CCDC7: variants seen among roughly 807,000 people sequenced by gnomAD.
The protein encoded by CCDC7 is coiled-coil domain-containing protein 7.
CCDC7 carries 183 observed loss-of-function variants against 196.9 expected under a neutral mutation model. The observed-to-expected ratio is 0.93, with a 90% CI of 0.82 to 1.05. CCDC7 has a LOEUF of 1.05. Ranked by LOEUF, CCDC7 falls within the 50% of genes least tolerant of loss-of-function variation. The pLI, the probability that CCDC7 is intolerant of heterozygous loss-of-function variation, is 0.00. For missense variants in CCDC7, 1,540 were observed against 1,482.2 expected (o/e 1.04, Z -0.64); for synonymous variants, 525 against 484.6 (o/e 1.08, Z -1.10).
At chr10:32,882,269 G>A (rs112227785) in intron 22 of CCDC7, among the ~76,000 whole-genome samples, 9 of 152,172 alleles carry the variant, frequency 5.9e-5, no homozygotes, top group Middle Eastern at 3.4e-3. Flanking sequence ...TTGCTTAACC[G>A]GCCTAACAAG....
chr10:32,569,297 A>AT (rs1218532305), intron 15 of CCDC7, among the ~76,000 whole-genome samples: 1 of 152,208 alleles, frequency 6.6e-6, no homozygotes, highest in Non-Finnish European at 1.5e-5. Flanking sequence ...GTTTATACTC[A>AT]TTGTCCATGT....
At chr10:32,545,900 C>T (rs1375850618) in intron 13 of CCDC7, among the ~76,000 whole-genome samples, 4 of 109,042 alleles carry the variant, frequency 3.7e-5, no homozygotes, top group Admixed American at 1.9e-4. Flanking sequence ...AGCAAAACTC[C>T]GTCTCAAAAA....
chr10:32,511,844 CGAT>C (rs1394694824), intron 9 of CCDC7: 1 of 709,904 alleles, frequency 1.4e-6, no homozygotes, highest in African/African-American at 1.8e-5. Flanking sequence ...CGGCGCTTTC[CGAT>C]GATCTCACCA....
At chr10:32,576,299 G>T (rs2058173820) in intron 16 of CCDC7, among the ~76,000 whole-genome samples, 1 of 68,586 alleles carries the variant, frequency 1.5e-5, no homozygotes, top group African/African-American at 3.2e-5. Context: ...AAGCAAAGGG[G>T]GTTAAAAAAA....
intron 18 of CCDC7, among the ~76,000 whole-genome samples, chr10:32,594,026 A>T (rs1273479211): frequency 1.3e-5 from 2 of 152,200 alleles, no homozygotes; most frequent in African/African-American, 2.4e-5. Context: ...TGTCTTGGCA[A>T]TGCAGGCTCT....
At position 32,471,063 on chromosome 10, in the gene CCDC7, G is replaced by C. The variant is rs1300320428; in HGVS notation, c.511-1G>C. ...ATAACTGGTTAATTTTATTATTTTA[G>C]ATAAGTAAAGATCAAACTCTTTTAC... On this transcript the variant is annotated splice_acceptor_variant, in intron 5 of 41. Transcript: ENST00000639629. LOFTEE classifies it high-confidence loss of function. 6.3e-7 allele frequency: 1 copy of C among 1,580,718 alleles called. No individual in the cohort carries two copies.
chr10:32,804,318 A>C (rs1294712605), intron 29 of CCDC7, among the ~76,000 whole-genome samples: 1 of 152,144 alleles, frequency 6.6e-6, no homozygotes, highest in Non-Finnish European at 1.5e-5. Context: ...AATTGTGTAA[A>C]AACTCCAATG....
At chr10:32,805,135 AT>A (rs2085564242) in intron 30 of CCDC7, 37 bp downstream of exon 31, 2 of 1,447,208 alleles carry the variant, frequency 1.4e-6, no homozygotes, top group East Asian at 4.6e-5. Flanking sequence ...TTTCTCATTT[AT>A]TTTTCTCCTT....
chr10:32,723,652 G>A (rs2082717240), intron 25 of CCDC7, among the ~76,000 whole-genome samples: 1 of 151,934 alleles, frequency 6.6e-6, no homozygotes, highest in Admixed American at 6.6e-5. Flanking sequence ...AGGCAAAGTG[G>A]CTGCTAATAG....
exon 37 of CCDC7, chr10:32,846,458 G>C (rs779426860): frequency 1.3e-6 from 2 of 1,572,264 alleles, no homozygotes; most frequent in East Asian, 2.3e-5. Context: ...AGAGTCACCA[G>C]GGTAAGAAAA....
At chr10:32,732,750 C>T (rs1209974551) in intron 28 of CCDC7, among the ~76,000 whole-genome samples, 3 of 152,110 alleles carry the variant, frequency 2.0e-5, no homozygotes, top group Non-Finnish European at 2.9e-5. Context: ...CACCTTCCCC[C>T]ACCTACATGT....
intron 41 of CCDC7, among the ~76,000 whole-genome samples, chr10:32,872,638 G>A (rs1331761356): frequency 1.3e-5 from 2 of 152,022 alleles, no homozygotes; most frequent in Non-Finnish European, 2.9e-5. Context: ...TAGCATCGAT[G>A]GTCTTTACAA....
chr10:32,676,416 A>G (rs1591475734), intron 21 of CCDC7, among the ~76,000 whole-genome samples: 1 of 151,564 alleles, frequency 6.6e-6, no homozygotes, highest in Admixed American at 6.6e-5. Flanking sequence ...AGAAACTACC[A>G]TCAGAGTGAA....
chr10:32,460,070 C>A (rs1157115832), intron 3 of CCDC7, among the ~76,000 whole-genome samples: 1 of 151,880 alleles, frequency 6.6e-6, no homozygotes, highest in African/African-American at 2.4e-5. Context: ...TGACCTGGAG[C>A]AAGAAACAAT....
intron 21 of CCDC7, among the ~76,000 whole-genome samples, chr10:32,670,907 G>T (rs931839426): frequency 6.6e-6 from 1 of 152,000 alleles, no homozygotes; most frequent in Non-Finnish European, 1.5e-5. Context: ...ACATTAGGTT[G>T]TTTATTTGGG....
chr10:32,619,910 C>CTTTT lies in CCDC7; in HGVS notation c.1802-14317_1802-14314dup, dbSNP rs56089046. On this transcript the variant is annotated intron_variant, in intron 18 of 41. Coordinates refer to ENST00000639629, the Ensembl canonical transcript of CCDC7. ...CACTGCTCCCAGCCCTTCAATGTAC[C>CTTTT]TTTTTTTTTTTTTTTTTTTTTTTTT... Among the ~76,000 whole-genome samples, 221 of 79,260 alleles carry CTTTT rather than the reference C, an allele frequency of 2.8e-3. 28 individuals carry two copies. Among genetic ancestry groups the CTTTT allele is most frequent in the African/African-American group, 8.8e-3 (135 of 15,308 alleles). 52.0% of individuals were successfully genotyped at this position (79,260 alleles called of 152,430 possible).
chr10:32,655,984 C>G (rs1031849284), intron 20 of CCDC7, among the ~76,000 whole-genome samples: 1 of 152,104 alleles, frequency 6.6e-6, no homozygotes, highest in Non-Finnish European at 1.5e-5. Flanking sequence ...TTGCAAACAT[C>G]TTCTCCCATT....
rs1235632224 is a variant in CCDC7 at position 32,535,914 on chromosome 10, T to C, written c.994-7386T>C. On this transcript the variant is annotated intron_variant, in intron 11 of 41. Coordinates refer to ENST00000639629, the Ensembl canonical transcript of CCDC7. Reference sequence around the variant, plus strand: ...TGGATTTCCTTCTTTATCTGTCATGTGATGTGATGCCAGAGTCAGGTTGGA... The same window carrying C: ...TGGATTTCCTTCTTTATCTGTCATGCGATGTGATGCCAGAGTCAGGTTGGA... Among the ~76,000 whole-genome samples the C allele has an allele frequency of 2.6e-5, 4 of 152,284 alleles. No individual in the cohort carries two copies. The South Asian group carries it at 8.3e-4, about 32-fold the overall frequency.
At position 32,602,905 on chromosome 10, in the gene CCDC7, C is replaced by T. The variant is rs921175958; in HGVS notation, c.1801+18601C>T. On this transcript the variant is annotated intron_variant, in intron 18 of 41. Coordinates refer to ENST00000639629, the Ensembl canonical transcript of CCDC7. ...TGCATACAATGTGTAATGATAAAAT[C>T]GGGGTCTTTAGGATATTCATCACCT... 2.6e-5 allele frequency among the ~76,000 whole-genome samples: 4 copies of T among 152,116 alleles called. No individual in the cohort carries two copies. In the East Asian group the frequency reaches 5.8e-4, roughly 22 times the overall value.
Sources: allele counts gnomAD v4.1 joint callset (sites outside exome capture counted in the v4.1 genomes callset), GRCh38; gene constraint gnomAD v4.1.1; transcripts MANE v1.5; gene names NCBI Gene and HGNC (gene_info 2026-07-23, HGNC 2026-07-21).